Variants in CLYBL observed in about 807,000 individuals in gnomAD.
The protein encoded by CLYBL is citramalyl-CoA lyase, mitochondrial.
In CLYBL, 31 loss-of-function variants were observed where a neutral mutation model predicts 38.9. That is an observed-to-expected ratio of 0.80 (90% CI 0.60 to 1.08). The LOEUF (loss-of-function observed/expected upper bound fraction) is 1.08. CLYBL is among the 50% of genes least tolerant of loss of function. CLYBL has a pLI of 0.00. For missense variants in CLYBL, 434 were observed against 411.6 expected, an observed-to-expected ratio of 1.05 and a Z score of -0.47; for synonymous variants, 171 against 158.6, an observed-to-expected ratio of 1.08 and a Z score of -0.59.
At chr13:99,677,746 AT>A (rs1456446485) in intron 1 of CLYBL, among the ~76,000 whole-genome samples, 2 of 152,216 alleles carry the variant, frequency 1.3e-5, no homozygotes, top group African/African-American at 4.8e-5. Flanking sequence ...TTCATGCTGA[AT>A]ATCTACTCAG....
chr13:99,777,496 C>CT (rs200830971), intron 2 of CLYBL, among the ~76,000 whole-genome samples: 48,526 of 143,196 alleles, frequency 0.34, 8,867 homozygotes, highest in Middle Eastern at 0.49. Flanking sequence ...CTTTTCTTTT[C>CT]TTTTTTTTTT....
exon 10 of CLYBL, among the ~76,000 whole-genome samples, chr13:99,909,148 C>T (rs2052725521): frequency 6.6e-6 from 1 of 152,216 alleles, no homozygotes; most frequent in African/African-American, 2.4e-5. Flanking sequence ...GAAGGCACAA[C>T]ACCATATGGA....
chr13:99,624,754 C>T (rs2046845353), intron 1 of CLYBL, among the ~76,000 whole-genome samples: 1 of 152,138 alleles, frequency 6.6e-6, no homozygotes, highest in African/African-American at 2.4e-5. Flanking sequence ...CCCTGTCCCA[C>T]CTACATTCTG....
At chr13:99,835,257 G>T (rs2050908959) in intron 2 of CLYBL, among the ~76,000 whole-genome samples, 1 of 152,212 alleles carries the variant, frequency 6.6e-6, no homozygotes, top group South Asian at 2.1e-4. Context: ...ACCAAATGAA[G>T]TTTATTTCTC....
intron 1 of CLYBL, among the ~76,000 whole-genome samples, chr13:99,648,837 T>G (rs2047212434): frequency 6.6e-6 from 1 of 152,178 alleles, no homozygotes; most frequent in African/African-American, 2.4e-5. Flanking sequence ...TAGCTCAGTC[T>G]TATGTTTTAC....
intron 2 of CLYBL, among the ~76,000 whole-genome samples, chr13:99,774,066 C>T (rs1033065262): frequency 7.8e-6 from 1 of 129,026 alleles, no homozygotes; most frequent in Non-Finnish European, 1.6e-5. Context: ...CCCATTTCTA[C>T]CAAAAAAAAA....
intron 2 of CLYBL, among the ~76,000 whole-genome samples, chr13:99,854,792 C>T (rs1029270295): frequency 1.3e-5 from 2 of 152,152 alleles, no homozygotes; most frequent in East Asian, 1.9e-4. Flanking sequence ...GTCACCAGAG[C>T]GTGTCTCTTC....
intron 2 of CLYBL, among the ~76,000 whole-genome samples, chr13:99,793,111 C>A (rs955435147): frequency 6.6e-6 from 1 of 151,858 alleles, no homozygotes; most frequent in African/African-American, 2.4e-5. Context: ...TACATAGACA[C>A]ACCGTACACA....
chr13:99,659,885 G>A (rs1031227505), intron 1 of CLYBL, among the ~76,000 whole-genome samples: 2 of 152,116 alleles, frequency 1.3e-5, no homozygotes, highest in African/African-American at 2.4e-5. Context: ...ACAGACCTGG[G>A]TGGCGTTAGC....
At chr13:99,748,440 T>TG (rs1341064051) in intron 1 of CLYBL, among the ~76,000 whole-genome samples, 10 of 131,530 alleles carry the variant, frequency 7.6e-5, no homozygotes, top group African/African-American at 2.9e-4. Context: ...TTTTTTTTTT[T>TG]TTTTTTTTTT....
At chr13:99,689,729 T>A (rs1246580074) in intron 1 of CLYBL, among the ~76,000 whole-genome samples, 4 of 152,246 alleles carry the variant, frequency 2.6e-5, no homozygotes, top group Non-Finnish European at 4.4e-5. Flanking sequence ...TTTTTATCCA[T>A]CACAGAACAA....
rs56097059 is a variant in CLYBL, at chr13:99,612,386, C to CTTTTT, written c.62+5644_62+5648dup. Reference sequence around the variant, plus strand: ...AGATAATTAATTTTAGACCTTTCTACTTTTTTTTTTTTTTTTTTTGAGACA... The same window carrying CTTTTT: ...AGATAATTAATTTTAGACCTTTCTACTTTTTTTTTTTTTTTTTTTTTTTTGAGACA... On this transcript the variant is annotated intron_variant, in intron 1 of 8. Transcript: ENST00000339105. Among the ~76,000 whole-genome samples the CTTTTT allele has an allele frequency of 2.7e-3, 303 of 112,322 alleles. 6 individuals are homozygous for CTTTTT. Among genetic ancestry groups the CTTTTT allele is most frequent in the East Asian group, 8.6e-3 (31 of 3,604 alleles). 73.7% of individuals were successfully genotyped at this position (112,322 alleles called of 152,430 possible).
chr13:99,819,467 T>TATATATATAA (rs1566340310), intron 2 of CLYBL, among the ~76,000 whole-genome samples: 8 of 55,680 alleles, frequency 1.4e-4, no homozygotes, highest in African/African-American at 6.6e-4. Context: ...TATATATATA[T>TATATATATAA]AATATTTGTC....
At chr13:99,908,133 G>A (rs2052716076) in exon 10 of CLYBL, among the ~76,000 whole-genome samples, 1 of 152,258 alleles carries the variant, frequency 6.6e-6, no homozygotes, top group African/African-American at 2.4e-5. Context: ...CAGAGAACTT[G>A]CAAAGGAGTA....
downstream of CLYBL, chr13:99,892,802 C>T (rs1594251438): frequency 6.6e-6 from 1 of 152,356 alleles, no homozygotes; most frequent in Non-Finnish European, 1.5e-5. Flanking sequence ...GCATGAGCCC[C>T]AACCAGGCCT....
intron 1 of CLYBL, among the ~76,000 whole-genome samples, chr13:99,620,671 G>A (rs555183206): frequency 6.2e-4 from 95 of 152,232 alleles, no homozygotes; most frequent in African/African-American, 2.2e-3. Flanking sequence ...CAGCTACTCA[G>A]GAGGCTGAGG....
downstream of CLYBL, chr13:99,895,688 T>C (rs1291463498): frequency 1.3e-5 from 2 of 151,994 alleles, no homozygotes; most frequent in Admixed American, 1.3e-4. Context: ...TAAATTCCAG[T>C]TGTTATTTGG....
chr13:99,642,520 T>C (rs2047110770), intron 1 of CLYBL, among the ~76,000 whole-genome samples: 1 of 151,890 alleles, frequency 6.6e-6, no homozygotes, highest in Non-Finnish European at 1.5e-5. Context: ...GCTCAAGCAA[T>C]CCTCCCACCT....
At chr13:99,816,312 A>T (rs779660474) in intron 2 of CLYBL, among the ~76,000 whole-genome samples, 2 of 152,244 alleles carry the variant, frequency 1.3e-5, no homozygotes, top group Non-Finnish European at 2.9e-5. Flanking sequence ...GTTTTCCAAG[A>T]TGCTGAAGCT....
Sources: allele counts gnomAD v4.1 joint callset (sites outside exome capture counted in the v4.1 genomes callset), GRCh38; gene constraint gnomAD v4.1.1; transcripts MANE v1.5; gene names NCBI Gene and HGNC (gene_info 2026-07-23, HGNC 2026-07-21).